SIPA1L1: variants seen among roughly 807,000 people sequenced by gnomAD.
SIPA1L1 encodes signal-induced proliferation-associated 1-like protein 1.
A neutral mutation model predicts 162.7 loss-of-function variants in SIPA1L1; 26 were observed. That is an observed-to-expected ratio of 0.16 (90% confidence interval 0.12 to 0.22). The LOEUF (loss-of-function observed/expected upper bound fraction) is 0.22. Among genes scored for constraint, SIPA1L1 ranks in the 10% least tolerant of loss-of-function variants. SIPA1L1 has a pLI of 1.00. For synonymous variants in SIPA1L1, 829 were observed against 837.4 expected (o/e 0.99, Z 0.17); for missense variants, 1,874 against 2,241.0 (o/e 0.84, Z 3.31).
chr14:71,474,559 C>T (rs578255882), intron 2 of SIPA1L1, among the ~76,000 whole-genome samples: 28 of 152,334 alleles, frequency 1.8e-4, no homozygotes, highest in Admixed American at 5.2e-4. Context: ...AGGTCTCAAT[C>T]TTGTGCCAAA....
At chr14:71,610,652 T>C (rs938727739) in intron 5 of SIPA1L1, among the ~76,000 whole-genome samples, 2 of 152,198 alleles carry the variant, frequency 1.3e-5, no homozygotes, top group Non-Finnish European at 2.9e-5. Flanking sequence ...AAAATAATTT[T>C]TTTATGTACA....
At chr14:71,466,253 T>G (rs1463134023) in intron 2 of SIPA1L1, among the ~76,000 whole-genome samples, 1 of 152,202 alleles carries the variant, frequency 6.6e-6, no homozygotes, top group African/African-American at 2.4e-5. Flanking sequence ...CACTAGAATT[T>G]ATGATTAAAC....
intron 2 of SIPA1L1, among the ~76,000 whole-genome samples, chr14:71,433,602 C>G (rs2044163639): frequency 6.6e-6 from 1 of 152,198 alleles, no homozygotes; most frequent in Non-Finnish European, 1.5e-5. Context: ...CAGGCGTAAG[C>G]CACTGCACCT....
chr14:71,603,104 C>G (rs1596360232), intron 5 of SIPA1L1, among the ~76,000 whole-genome samples: 1 of 152,014 alleles, frequency 6.6e-6, no homozygotes, highest in Admixed American at 6.6e-5. Flanking sequence ...TATATAATGG[C>G]CTTCATTGTC....
intron 4 of SIPA1L1, among the ~76,000 whole-genome samples, chr14:71,566,031 G>C (rs983136068): frequency 6.6e-6 from 1 of 151,848 alleles, no homozygotes; most frequent in African/African-American, 2.4e-5. Flanking sequence ...TTTTGAAAAT[G>C]ACATGAGTGT....
At chr14:71,553,791 C>G (rs556035041) in intron 4 of SIPA1L1, among the ~76,000 whole-genome samples, 2 of 152,092 alleles carry the variant, frequency 1.3e-5, no homozygotes, top group African/African-American at 2.4e-5. Context: ...AAACAAATAT[C>G]AGAATGTATG....
intron 2 of SIPA1L1, among the ~76,000 whole-genome samples, chr14:71,470,018 A>AC (rs2047328472): frequency 6.6e-6 from 1 of 152,086 alleles, no homozygotes; most frequent in Non-Finnish European, 1.5e-5. Flanking sequence ...TGCTTGGCAG[A>AC]CCCTTTACCT....
chr14:71,703,876 T>A (rs2082262240), intron 15 of SIPA1L1, among the ~76,000 whole-genome samples: 1 of 152,192 alleles, frequency 6.6e-6, no homozygotes, highest in African/African-American at 2.4e-5. Context: ...CAAACCTCCC[T>A]CTAGTCTTTT....
intron 4 of SIPA1L1, among the ~76,000 whole-genome samples, chr14:71,557,199 G>A (rs1235319579): frequency 6.6e-6 from 1 of 152,122 alleles, no homozygotes; most frequent in African/African-American, 2.4e-5. Context: ...TATTCAGTCT[G>A]CGTTGTATTT....
chr14:71,661,551 T>G lies in SIPA1L1; in HGVS notation c.2255+84T>G, dbSNP rs370266374. ...CCCCATTCAGCTCTGCATTCTAAAG[T>G]GGCAATGGGAAGTCTATTACTATTT... On this transcript the variant is annotated intron_variant, in intron 10 of 23. Coordinates refer to ENST00000381232, the MANE Select transcript of SIPA1L1 (RefSeq NM_001386936.1). The G allele has an allele frequency of 1.4e-4, 203 of 1,413,722 alleles. 1 individual carries two copies. The South Asian group carries it at 2.5e-3, about 18-fold the overall frequency. 87.6% of individuals were successfully genotyped at this position (1,413,722 alleles called of 1,614,324 possible). A position where few individuals can be genotyped will look rare whatever the true frequency, so the allele number is the denominator to read the frequency against.
intron 2 of SIPA1L1, among the ~76,000 whole-genome samples, chr14:71,393,062 G>A (rs555676361): frequency 2.6e-5 from 4 of 152,178 alleles, no homozygotes; most frequent in African/African-American, 7.2e-5. Flanking sequence ...TGAACTTACC[G>A]ATTGGTTGAT....
intron 4 of SIPA1L1, among the ~76,000 whole-genome samples, chr14:71,555,497 A>G (rs1005285061): frequency 6.6e-6 from 1 of 152,180 alleles, no homozygotes. Flanking sequence ...AGAACACTAA[A>G]ACTTTCCATC....
chr14:71,678,369 A>G (rs2045431247), intron 12 of SIPA1L1, among the ~76,000 whole-genome samples: 1 of 152,208 alleles, frequency 6.6e-6, no homozygotes, highest in Non-Finnish European at 1.5e-5. Flanking sequence ...GAATTTTGTC[A>G]GAGGCCTTTT....
Position 71,532,490 on chromosome 14 carries a change from C to T in SIPA1L1, c.-303+3120C>T, listed in dbSNP as rs374600512. On this transcript the variant is annotated intron_variant, in intron 4 of 23. Coordinates refer to ENST00000381232, the MANE Select transcript of SIPA1L1 (RefSeq NM_001386936.1). ...ATGCTGCCTTTGTGGGGAACGGCCCCCTGGGCTGAGGGAGCTTCTAGACAC... is the reference window on the plus strand; with the variant it reads ...ATGCTGCCTTTGTGGGGAACGGCCCTCTGGGCTGAGGGAGCTTCTAGACAC... 9.3e-4 allele frequency among the ~76,000 whole-genome samples: 142 copies of T among 152,262 alleles called. No homozygotes were observed. In the East Asian group the frequency reaches 0.022, roughly 24 times the overall value.
At chr14:71,632,575 C>T (rs1040381789) in intron 7 of SIPA1L1, among the ~76,000 whole-genome samples, 3 of 152,144 alleles carry the variant, frequency 2.0e-5, no homozygotes, top group Non-Finnish European at 4.4e-5. Flanking sequence ...ATGAAGTGCC[C>T]CTCCAGCTCC....
chr14:71,566,021 T>C (rs1251325823), intron 4 of SIPA1L1, among the ~76,000 whole-genome samples: 1 of 152,082 alleles, frequency 6.6e-6, no homozygotes, highest in African/African-American at 2.4e-5. Flanking sequence ...AACATTGTCA[T>C]TTTGAAAATG....
chr14:71,477,052 T>A (rs1477261048), intron 2 of SIPA1L1, among the ~76,000 whole-genome samples: 2 of 152,042 alleles, frequency 1.3e-5, no homozygotes, highest in Non-Finnish European at 2.9e-5. Flanking sequence ...GTCAGGAGTT[T>A]GAGGCCAGCC....
chr14:71,435,542 A>G (rs1047363144), intron 2 of SIPA1L1, among the ~76,000 whole-genome samples: 3 of 152,144 alleles, frequency 2.0e-5, no homozygotes, highest in Admixed American at 6.5e-5. Context: ...TCCATGATGT[A>G]TATGTGCCAC....
intron 2 of SIPA1L1, among the ~76,000 whole-genome samples, chr14:71,355,314 C>T (rs185195645): frequency 6.6e-6 from 1 of 152,258 alleles, no homozygotes; most frequent in Admixed American, 6.5e-5. Flanking sequence ...TCAGTGCTTC[C>T]AGTCTGCTTT....
Sources: gnomAD v4.1 joint callset for allele counts (sites outside exome capture counted in the v4.1 genomes callset) on GRCh38, gnomAD v4.1.1 for gene constraint, MANE v1.5 for transcripts, NCBI Gene and HGNC (gene_info 2026-07-23, HGNC 2026-07-21) for gene names.